DNHD1: variants seen among roughly 807,000 people sequenced by gnomAD.
The protein encoded by DNHD1 is dynein heavy chain domain 1.
In DNHD1, 383 loss-of-function variants were observed where a neutral mutation model predicts 458.1. The ratio of observed to expected loss-of-function variants is 0.84; its 90% CI spans 0.77 to 0.91. The LOEUF is 0.91. Among genes scored for constraint, DNHD1 ranks in the 40% least tolerant of loss-of-function variants. The pLI is 0.00. For missense variants in DNHD1, 5,336 were observed against 5,866.1 expected (o/e 0.91, Z 2.95); for synonymous variants, 2,203 against 2,376.9 (o/e 0.93, Z 2.13).
chr11:6,523,169 ACAAAGG>A (rs1852637489), intron 10 of DNHD1, among the ~76,000 whole-genome samples: 1 of 152,238 alleles, frequency 6.6e-6, no homozygotes, highest in East Asian at 1.9e-4. Flanking sequence ...CTGAAAAGAG[ACAAAGG>A]ATTGCCTAAT....
rs1413651408 is a variant in DNHD1 at position 6,544,896 on chromosome 11, C to T, written c.3957C>T (p.Ser1319=). 6.4e-7 allele frequency: 1 copy of T among 1,551,676 alleles called. No individual in the cohort carries two copies. The highest frequency in any genetic ancestry group is 8.7e-7 in the Non-Finnish European group (1 of 1,146,970). ...LSLVVPSAER[S]PYFQGQQLQQ... ...TTGTAGTGCCCAGTGCCGAGAGGAG[C>T]CCTTACTTCCAAGGCCAGCAGCTGC... The change falls in exon 21 of 43, where the codon AGC becomes AGT. Residue 1319 remains serine, a synonymous_variant. Transcript: ENST00000254579.
At chr11:6,531,292 C>G (rs1472277636) in intron 12 of DNHD1, among the ~76,000 whole-genome samples, 1 of 152,184 alleles carries the variant, frequency 6.6e-6, no homozygotes, top group Non-Finnish European at 1.5e-5. Context: ...CTTGGGGTCA[C>G]CCTTTACTCC....
In DNHD1 at chr11:6,563,416, T is replaced by G. The variant is rs1315142803; in HGVS notation, c.9704T>G (p.Leu3235Arg). Residue 3235 changes from leucine (L) to arginine (R), a missense_variant, in exon 30 of 43, where the codon CTG (leucine) becomes CGG (arginine). Leu to Arg is a moderately radical substitution (Grantham distance 102, BLOSUM62 -2). Transcript: ENST00000254579. Reference sequence around the variant, plus strand: ...GCATTTCTGGAGCCTCTGAGCCAGCTGCAGGTGGCTGACTTTGAGGAGATA... The same window carrying G: ...GCATTTCTGGAGCCTCTGAGCCAGCGGCAGGTGGCTGACTTTGAGGAGATA... ...SKAFLEPLSQ[L>R]QVADFEEIRS... 1 of 1,551,702 alleles carries G rather than the reference T, an allele frequency of 6.4e-7. No homozygotes were observed. Among genetic ancestry groups the G allele is most frequent in the Non-Finnish European group, 8.7e-7 (1 of 1,146,986 alleles).
At chr11:6,539,771 C>A in intron 17 of DNHD1, 105 bp from the exon 18 acceptor site, 2 of 1,047,496 alleles carry the variant, frequency 1.9e-6, no homozygotes, top group Non-Finnish European at 2.9e-6. Context: ...CTTTCCTGAG[C>A]CCTGGCCCTT....
chr11:6,556,230 C>A (rs1331308596), intron 24 of DNHD1, among the ~76,000 whole-genome samples: 2 of 152,144 alleles, frequency 1.3e-5, no homozygotes, highest in African/African-American at 4.8e-5. Context: ...TCCATCTCAG[C>A]CTCCAAAAGT....
In DNHD1 at chr11:6,567,652, G is replaced by A. The variant is rs2288284; in HGVS notation, c.12143G>A (p.Arg4048Gln). ...LQKLILWRVL[R>Q]PECLAGALAD... ...AAGCTGATCCTGTGGCGCGTTCTGC[G>A]ACCTGAGTGCCTGGCAGGTGCCCTG... Residue 4048 changes from arginine to glutamine, a missense_variant, in exon 36 of 43, where the codon CGA becomes CAA. This residue lies in a region of DNHD1 where 695 missense variants were observed against 804.2 expected (regional missense o/e 0.86). Coordinates refer to ENST00000254579, the MANE Select transcript of DNHD1 (RefSeq NM_144666.3). The A allele has an allele frequency of 1.2e-5, 19 of 1,613,804 alleles. No individual in the cohort carries two copies. The East Asian group carries it at 2.4e-4, about 21-fold the overall frequency.
rs1043933644 is a variant in DNHD1, at chr11:6,498,700, G to A, written c.485G>A (p.Cys162Tyr). The A allele has an allele frequency of 6.2e-7, 1 of 1,614,162 alleles. No individual in the cohort carries two copies. Among genetic ancestry groups the A allele is most frequent in the Non-Finnish European group, 8.5e-7 (1 of 1,180,036 alleles). Residue 162 changes from cysteine (C) to tyrosine (Y), a missense_variant, in exon 3 of 43, where the codon TGC (cysteine) becomes TAC (tyrosine). Coordinates refer to ENST00000254579, the MANE Select transcript of DNHD1 (RefSeq NM_144666.3). Reference sequence around the variant, plus strand: ...CGGAGGCTCCATCACAGGCCCCCATGCCCAGCTTGCCCTTTTGTGCAGGCC... The same window carrying A: ...CGGAGGCTCCATCACAGGCCCCCATACCCAGCTTGCCCTTTTGTGCAGGCC... ...QKRRLHHRPP[C>Y]PACPFVQAQW...
In DNHD1 at chr11:6,502,928, T is replaced by C. The variant is rs1457117257; in HGVS notation, c.920+2T>C. 1 of 1,613,458 alleles carries C rather than the reference T, an allele frequency of 6.2e-7. No individual in the cohort carries two copies. Among genetic ancestry groups the C allele is most frequent in the Admixed American group, 1.7e-5 (1 of 59,902 alleles). On this transcript the variant is annotated splice_donor_variant, in intron 4 of 42. Coordinates refer to ENST00000254579, the MANE Select transcript of DNHD1 (RefSeq NM_144666.3). LOFTEE classifies it high-confidence loss of function. Reference sequence around the variant, plus strand: ...TGTGGCTCCCAGCCGGTACTTTAGGTGATAGCCTATGTCCAGGCCCCTTCT... The same window carrying C: ...TGTGGCTCCCAGCCGGTACTTTAGGCGATAGCCTATGTCCAGGCCCCTTCT...
At position 6,509,151 on chromosome 11, in the gene DNHD1, C is replaced by T; in HGVS notation, c.1125-11C>T. On this transcript the variant is annotated splice_polypyrimidine_tract_variant and intron_variant, in intron 5 of 42. Transcript: ENST00000254579. Reference sequence around the variant, plus strand: ...AGCAACAGTATATTATCACTGACCTCTAATTTCTAGTTGGAAGAAGAATGT... The same window carrying T: ...AGCAACAGTATATTATCACTGACCTTTAATTTCTAGTTGGAAGAAGAATGT... The T allele has an allele frequency of 6.2e-7, 1 of 1,614,142 alleles. No individual in the cohort carries two copies. Among genetic ancestry groups the T allele is most frequent in the Non-Finnish European group, 8.5e-7 (1 of 1,180,008 alleles).
chr11:6,555,087 CT>C (rs1419764100), intron 24 of DNHD1, among the ~76,000 whole-genome samples: 2 of 152,218 alleles, frequency 1.3e-5, no homozygotes, highest in African/African-American at 4.8e-5. Flanking sequence ...GCCTCCTTTC[CT>C]TTAAAAACAG....
In DNHD1 at chr11:6,534,141, G is replaced by T. The variant is rs1054760675; in HGVS notation, c.2966G>T (p.Ser989Ile). Residue 989 changes from serine (S) to isoleucine (I), a missense_variant, in exon 14 of 43, where the codon AGT becomes ATT. Ser to Ile is a moderately radical substitution (Grantham distance 142). Coordinates refer to ENST00000254579, the MANE Select transcript of DNHD1 (RefSeq NM_144666.3). The part of the protein sequence containing the change: ...RQFQNTVSDL[S>I]ELHHAYAIFT... Reference sequence around the variant, plus strand: ...TTCCAGAACACAGTCAGCGACCTCAGTGAACTGCACCACGCCTATGCCATC... The same window carrying T: ...TTCCAGAACACAGTCAGCGACCTCATTGAACTGCACCACGCCTATGCCATC... 1 of 1,551,298 alleles carries T rather than the reference G, an allele frequency of 6.4e-7. No homozygotes were observed. The highest frequency in any genetic ancestry group is 1.4e-5 in the African/African-American group (1 of 73,102).
In DNHD1 at chr11:6,560,086, C is replaced by A. The variant is rs541021935; in HGVS notation, c.9519+803C>A. On this transcript the variant is annotated intron_variant, in intron 28 of 42. Coordinates refer to ENST00000254579, the MANE Select transcript of DNHD1 (RefSeq NM_144666.3). ...AATACTCCTAGTTAAAGGTGTCTTCCCAAACTAAAGAGCAGTTTTGTTTTT... is the reference window on the plus strand; with the variant it reads ...AATACTCCTAGTTAAAGGTGTCTTCACAAACTAAAGAGCAGTTTTGTTTTT... Among the ~76,000 whole-genome samples, 247 of 152,272 alleles carry A rather than the reference C, an allele frequency of 1.6e-3. 17 individuals carry two copies. In the South Asian group the frequency reaches 0.049, roughly 30 times the overall value.
Position 6,557,368 on chromosome 11 carries a change from G to C in DNHD1, c.8073G>C (p.Lys2691Asn), listed in dbSNP as rs1263012097. 6.4e-7 allele frequency: 1 copy of C among 1,551,434 alleles called. No homozygotes were observed. The highest frequency in any genetic ancestry group is 1.2e-5 in the South Asian group (1 of 84,056). The part of the protein sequence containing the change: ...CCGPGPQHLG[K>N]DHQESEEEEE... ...GGCCAGGGCCCCAGCACCTGGGCAA[G>C]GACCATCAGGAGAGTGAGGAGGAGG... Residue 2691 changes from lysine to asparagine, a missense_variant, in exon 25 of 43, where the codon AAG becomes AAC. By Grantham distance (94) the Lys-to-Asn change is moderately conservative (BLOSUM62 0). Transcript: ENST00000254579.
At chr11:6,508,610 T>C in intron 4 of DNHD1, 1 of 424,708 alleles carries the variant, frequency 2.4e-6, no homozygotes, top group African/African-American at 2.0e-5. Flanking sequence ...TCTGATGGGA[T>C]GTAAGATATC....
rs1853262738 is a variant in DNHD1, at chr11:6,548,135, T to C, written c.6906-75T>C. On this transcript the variant is annotated intron_variant, in intron 22 of 42. Transcript: ENST00000254579. The surrounding 1 kb of genome is among the most constrained non-coding windows in gnomAD (Gnocchi z 4.4). ...ACATGACATCACTGTTAGGGTATGG[T>C]GGAGTGTGTGAGTGTGTCATAAATG... 6.5e-7 allele frequency: 1 copy of C among 1,544,332 alleles called. No homozygotes were observed. The highest frequency in any genetic ancestry group is 2.0e-5 in the Admixed American group (1 of 50,926).
In DNHD1 at chr11:6,567,357, T is replaced by C. The variant is rs1461681220; in HGVS notation, c.11848T>C (p.Ser3950Pro). 3.7e-6 allele frequency: 6 copies of C among 1,614,038 alleles called. No individual in the cohort carries two copies. Among genetic ancestry groups the C allele is most frequent in the South Asian group, 1.1e-5 (1 of 91,088 alleles). Residue 3950 changes from serine to proline, a missense_variant, in exon 36 of 43, where the codon TCA (serine) becomes CCA (proline). Ser to Pro is a moderately conservative substitution (Grantham distance 74). Transcript: ENST00000254579. Reference protein sequence around the residue: ...LALLQATGKASELERLALWPG... With the variant: ...LALLQATGKAPELERLALWPG... ...TCTGCTGCAAGCAACAGGGAAAGCA[T>C]CAGAGCTGGAAAGACTGGCACTCTG...
intron 24 of DNHD1, among the ~76,000 whole-genome samples, chr11:6,555,226 CTTTCTCTCTCTG>C (rs1009107100): frequency 8.5e-3 from 52 of 6,104 alleles, no homozygotes; most frequent in East Asian, 0.042. Flanking sequence ...CTCTCTGTCT[CTTTCTCTCTCTG>C]TCTCTCTCAA....
chr11:6,564,447 T>C lies in DNHD1; in HGVS notation c.10399T>C (p.Leu3467=), dbSNP rs1240274717. Residue 3467 remains leucine (L), a synonymous_variant, in exon 32 of 43, where the codon TTA becomes CTA. Transcript: ENST00000254579. ...LRRQELLDEW[L]ALCRGFQEAL... is the part of the protein sequence containing the mutation. ...GCGCCAAGAGCTACTGGACGAGTGG[T>C]TAGCTCTGTGTAGGGGCTTTCAGGA... 1 of 1,551,550 alleles carries C rather than the reference T, an allele frequency of 6.4e-7. No homozygotes were observed. Among genetic ancestry groups the C allele is most frequent in the African/African-American group, 1.4e-5 (1 of 73,030 alleles).
chr11:6,511,327 C>T lies in DNHD1; in HGVS notation c.1290C>T (p.Cys430=), dbSNP rs1304354847. The change falls in exon 7 of 43, where the codon TGC becomes TGT. Residue 430 remains cysteine, a synonymous_variant. Coordinates refer to ENST00000254579, the MANE Select transcript of DNHD1 (RefSeq NM_144666.3). ...GGCTACCCCAGGAACTGGATCGGTG[C>T]TATGAGCTGCTGGACCTGCAGACGG... ...VSWLPQELDR[C]YELLDLQTAL... 3.1e-6 allele frequency: 5 copies of T among 1,614,248 alleles called. No homozygotes were observed. Among genetic ancestry groups the T allele is most frequent in the Non-Finnish European group, 4.2e-6 (5 of 1,180,040 alleles).
Sources: allele counts gnomAD v4.1 joint callset (sites outside exome capture counted in the v4.1 genomes callset), GRCh38; gene constraint gnomAD v4.1.1; regional missense constraint gnomAD v4.1.1; non-coding constraint Gnocchi (gnomAD v3.1); transcripts MANE v1.5; gene names NCBI Gene and HGNC (gene_info 2026-07-23, HGNC 2026-07-21).